The following DNMBP variants were observed in gnomAD, a reference collection of about 807,000 sequenced individuals.
DNMBP encodes the protein dynamin binding protein, also known as dynamin-binding protein.
DNMBP carries 87 observed loss-of-function variants against 150.0 expected under a neutral mutation model. The observed-to-expected ratio is 0.58, with a 90% confidence interval of 0.49 to 0.69. The LOEUF (loss-of-function observed/expected upper bound fraction) is 0.69. Among genes scored for constraint, DNMBP ranks in the 30% least tolerant of loss-of-function variants. The pLI is 0.00. For synonymous variants in DNMBP, 711 were observed against 750.4 expected (o/e 0.95, Z 0.86); for missense variants, 1,774 against 1,949.0 (o/e 0.91, Z 1.69).
rs375606736 is a variant in DNMBP, at chr10:99,955,474, C to T, written c.2000G>A (p.Arg667His). The T allele has an allele frequency of 2.2e-5, 36 of 1,605,828 alleles. No individual in the cohort carries two copies. In the African/African-American group the frequency reaches 3.2e-4, roughly 14 times the overall value. Residue 667 changes from arginine to histidine, a missense_variant, in exon 4 of 17, where the codon CGT becomes CAT. Transcript: ENST00000324109. ...CTTTTCTAAGGTCTCACAGGTAGGA[C>T]GGTGTCGAGATAGGAGCTTGGGGGA... ...AVSPKLLSRH[R>H]PTCETLEKEG...
At chr10:99,878,287 AGCTCAGGGAGGAGGAGAAGCCATGAG>A (rs1236240677) in intron 16 of DNMBP, among the ~76,000 whole-genome samples, 1 of 152,182 alleles carries the variant, frequency 6.6e-6, no homozygotes, top group African/African-American at 2.4e-5. Context: ...GGAAGGGAGG[AGCTCAGGGAGGAGGAGAAGCCATGAG>A]GCCCATGGGG....
intron 1 of DNMBP, among the ~76,000 whole-genome samples, chr10:99,974,264 A>T (rs989042408): frequency 1.3e-5 from 2 of 152,142 alleles, no homozygotes; most frequent in African/African-American, 4.8e-5. Flanking sequence ...CAGTGGCCCA[A>T]CCCCGGGGAG....
rs1440323152 is a variant in DNMBP at position 99,972,062 on chromosome 10, C to T, written c.63G>A (p.Leu21=). The T allele has an allele frequency of 1.2e-6, 2 of 1,613,880 alleles. No individual in the cohort carries two copies. Among genetic ancestry groups the T allele is most frequent in the South Asian group, 2.2e-5 (2 of 91,078 alleles). The change falls in exon 2 of 17, where the codon CTG becomes CTA. Residue 21 remains leucine (L), a synonymous_variant. Transcript: ENST00000324109. ...CAATAATATCTCCCACAAAGAGCGG[C>T]AGTTCTTCTGATACGCTAGGGCAGA... ...FDFCPSVSEE[L]PLFVGDIIEV...
At chr10:99,910,499 C>T (rs1055639889) in intron 4 of DNMBP, among the ~76,000 whole-genome samples, 3 of 152,194 alleles carry the variant, frequency 2.0e-5, no homozygotes, top group African/African-American at 7.2e-5. Context: ...GAGATAGTGC[C>T]ATTATTGCAC....
At chr10:99,892,410 C>T (rs2039586943) in intron 11 of DNMBP, among the ~76,000 whole-genome samples, 1 of 139,698 alleles carries the variant, frequency 7.2e-6, no homozygotes, top group African/African-American at 2.8e-5. Context: ...TTGTTCTGCA[C>T]TAAGAAAAAT....
intron 10 of DNMBP, 42 bp from the exon 11 acceptor site, chr10:99,895,092 T>C (rs1318048753): frequency 4.0e-6 from 4 of 998,972 alleles, no homozygotes; most frequent in African/African-American, 1.6e-5. Flanking sequence ...ATCTGGACAC[T>C]CCTTTAATCT....
intron 15 of DNMBP, 72 bp from the exon 16 acceptor site, chr10:99,880,433 GA>G (rs964173489): frequency 6.3e-6 from 9 of 1,435,908 alleles, no homozygotes; most frequent in Non-Finnish European, 6.4e-6. Context: ...AGCATTGAGA[GA>G]AAAAAAACTG....
intron 4 of DNMBP, chr10:99,926,862 T>A (rs560837899): frequency 6.6e-6 from 1 of 152,334 alleles, no homozygotes; most frequent in African/African-American, 2.4e-5. Flanking sequence ...GTTTGAAATT[T>A]GAGTCCCTCC....
In DNMBP at chr10:99,880,173, A is replaced by G. The variant is rs1248669785; in HGVS notation, c.4186T>C (p.Ser1396Pro). The G allele has an allele frequency of 1.2e-6, 2 of 1,613,992 alleles. No individual in the cohort carries two copies. The highest frequency in any genetic ancestry group is 1.7e-6 in the Non-Finnish European group (2 of 1,180,038). ...NPSSMAVSFT[S>P]GSCQKQPQDA... ...TGAGGCTGCTTCTGGCAAGACCCCG[A>G]GGTAAAGGATACAGCCATGCTGCTG... is the stretch of plus-strand genomic sequence containing the variant. Residue 1396 changes from serine (S) to proline (P), a missense_variant, in exon 16 of 17, where the codon TCG becomes CCG. Transcript: ENST00000324109.
Position 99,934,659 on chromosome 10 carries a change from C to T in DNMBP, c.2260+20555G>A, listed in dbSNP as rs185566508. Among the ~76,000 whole-genome samples, 164 of 135,214 alleles carry T rather than the reference C, an allele frequency of 1.2e-3. 3 individuals are homozygous for T. In the East Asian group the frequency reaches 0.014, roughly 11 times the overall value. The allele number at this position is 135,214 out of a possible 152,430, so 88.7% of individuals were successfully genotyped here. On this transcript the variant is annotated intron_variant, in intron 4 of 16. Transcript: ENST00000324109. Reference sequence around the variant, plus strand: ...TGTGCTTCATGGTAAAAGTTTGGCCCGGGGAGGGAGATGGTAAAACTGGTA... The same window carrying T: ...TGTGCTTCATGGTAAAAGTTTGGCCTGGGGAGGGAGATGGTAAAACTGGTA...
rs1431974858 is a variant in DNMBP, at chr10:99,888,848, T to C, written c.3262A>G (p.Ser1088Gly). 2 of 1,614,024 alleles carry C rather than the reference T, an allele frequency of 1.2e-6. No homozygotes were observed. The highest frequency in any genetic ancestry group is 1.3e-5 in the African/African-American group (1 of 74,922). Residue 1088 changes from serine to glycine, a missense_variant, in exon 12 of 17, where the codon AGT (serine) becomes GGT (glycine). Physicochemically the swap from Ser to Gly is moderately conservative, Grantham distance 56. Around this residue, in one of 2 missense-constraint regions of DNMBP, gnomAD observed 1,430 missense variants for 1,492.5 expected, o/e 0.96. Coordinates refer to ENST00000324109, the MANE Select transcript of DNMBP (RefSeq NM_015221.4). ...EQFERVHRYI[S>G]DQLFTNFKER... ...ACAAAGTTTGTGAAGAGCTGGTCACTGATGTAGCGATGCACCCTCTCAAAC... is the reference window on the plus strand; with the variant it reads ...ACAAAGTTTGTGAAGAGCTGGTCACCGATGTAGCGATGCACCCTCTCAAAC...
chr10:99,891,785 C>A (rs1414369444), intron 11 of DNMBP, among the ~76,000 whole-genome samples: 1 of 151,314 alleles, frequency 6.6e-6, no homozygotes, highest in Non-Finnish European at 1.5e-5. Flanking sequence ...TCTGCCCGGC[C>A]GCCCATCGTC....
At position 99,883,591 on chromosome 10, in the gene DNMBP, T is replaced by C. The variant is rs545912063; in HGVS notation, c.3997+420A>G. Among the ~76,000 whole-genome samples the C allele has an allele frequency of 5.3e-5, 7 of 133,290 alleles. No individual in the cohort carries two copies. The South Asian group carries it at 6.8e-4, about 13-fold the overall frequency. The allele number at this position is 133,290 out of a possible 152,430, so 87.4% of individuals were successfully genotyped here. ...CCTTGAACCCAGGAGTAATAAGCTA[T>C]GATTGTGCCACTGCACTCCAGCCTG... On this transcript the variant is annotated intron_variant, in intron 15 of 16. Coordinates refer to ENST00000324109, the MANE Select transcript of DNMBP (RefSeq NM_015221.4).
At chr10:99,992,576 G>C (rs1403726208) in intron 1 of DNMBP, among the ~76,000 whole-genome samples, 1 of 149,984 alleles carries the variant, frequency 6.7e-6, no homozygotes, top group Non-Finnish European at 1.5e-5. Context: ...ACCCAGGCTG[G>C]AGTGCGGTGG....
intron 4 of DNMBP, among the ~76,000 whole-genome samples, chr10:99,934,176 C>G (rs569539581): frequency 6.6e-6 from 1 of 152,236 alleles, no homozygotes; most frequent in East Asian, 1.9e-4. Flanking sequence ...TGTTGGGCAC[C>G]TCTCTCTAAG....
Position 99,929,860 on chromosome 10 carries a change from G to T in DNMBP, c.2261-20714C>A, listed in dbSNP as rs767151822. 206 of 702,890 alleles carry T rather than the reference G, an allele frequency of 2.9e-4. 1 individual carries two copies. Among genetic ancestry groups the T allele is most frequent in the Non-Finnish European group, 3.1e-4 (118 of 384,980 alleles). 43.5% of individuals were successfully genotyped at this position (702,890 alleles called of 1,614,324 possible). A position where few individuals can be genotyped will look rare whatever the true frequency, so the allele number is the denominator to read the frequency against. ...CTGCCCCCATGTGCCTTTGTTCTTG[G>T]TATGTCAGTGCCATTATACTCCAAA... On this transcript the variant is annotated intron_variant, in intron 4 of 16. Transcript: ENST00000324109.
chr10:99,987,916 G>GATCACAGGTCGAT (rs2040845326), intron 1 of DNMBP, among the ~76,000 whole-genome samples: 1 of 152,180 alleles, frequency 6.6e-6, no homozygotes, highest in African/African-American at 2.4e-5. Context: ...AAATGCATAT[G>GATCACAGGTCGAT]ATCACAGGTC....
intron 1 of DNMBP, among the ~76,000 whole-genome samples, chr10:99,974,963 T>G (rs2040713370): frequency 6.6e-6 from 1 of 152,140 alleles, no homozygotes. Flanking sequence ...AGACAGGGTT[T>G]TACTATGTTG....
In DNMBP at chr10:99,982,961, G is replaced by A. The variant is rs992145635; in HGVS notation, c.-10-10827C>T. 2.7e-5 allele frequency among the ~76,000 whole-genome samples: 4 copies of A among 149,550 alleles called. No homozygotes were observed. The East Asian group carries it at 7.9e-4, about 29-fold the overall frequency. ...AGCCTGTGCAACAGAGCGAGACCCT[G>A]CCAAAAAAAAAAAAATTCAAATTCT... On this transcript the variant is annotated intron_variant, in intron 1 of 16. Coordinates refer to ENST00000324109, the MANE Select transcript of DNMBP (RefSeq NM_015221.4).
Sources: allele counts gnomAD v4.1 joint callset (sites outside exome capture counted in the v4.1 genomes callset), GRCh38; gene constraint gnomAD v4.1.1; regional missense constraint gnomAD v4.1.1; transcripts MANE v1.5; gene names NCBI Gene and HGNC (gene_info 2026-07-23, HGNC 2026-07-21).